GLT1D1: variants seen among roughly 807,000 people sequenced by gnomAD.
GLT1D1 encodes glycosyltransferase 1 domain-containing protein 1.
GLT1D1 carries 21 observed loss-of-function variants against 28.7 expected under a neutral mutation model. The ratio of observed to expected loss-of-function variants is 0.73; its 90% CI spans 0.52 to 1.05. The LOEUF is 1.05. Ranked by LOEUF, GLT1D1 falls within the 50% of genes least tolerant of loss-of-function variation. The probability of loss-of-function intolerance (pLI) is 0.00; values close to 1 mark genes in which losing one functional copy is unlikely to be tolerated. For missense variants in GLT1D1, 343 were observed against 330.6 expected, an observed-to-expected ratio of 1.04 and a Z score of -0.29; for synonymous variants, 147 against 124.8, an observed-to-expected ratio of 1.18 and a Z score of -1.19.
chr12:128,922,298 TAGTA>T (rs1272963001), intron 4 of GLT1D1, among the ~76,000 whole-genome samples: 4 of 152,120 alleles, frequency 2.6e-5, no homozygotes, highest in African/African-American at 7.2e-5. Context: ...CCTTTGTAAT[TAGTA>T]AGTAATTTTT....
intron 6 of GLT1D1, among the ~76,000 whole-genome samples, chr12:128,949,635 T>TGG (rs1876480687): frequency 6.6e-6 from 1 of 152,194 alleles, no homozygotes; most frequent in Non-Finnish European, 1.5e-5. Flanking sequence ...ATTCTACAAC[T>TGG]AATCAGTTGT....
At chr12:128,956,509 A>T (rs1877331860) in intron 6 of GLT1D1, among the ~76,000 whole-genome samples, 1 of 152,206 alleles carries the variant, frequency 6.6e-6, no homozygotes, top group South Asian at 2.1e-4. Flanking sequence ...GACCATCTGT[A>T]TCCTGTTTCC....
chr12:128,976,259 T>TG (rs1879752249), intron 7 of GLT1D1, among the ~76,000 whole-genome samples: 1 of 152,148 alleles, frequency 6.6e-6, no homozygotes, highest in African/African-American at 2.4e-5. Context: ...TGCAATCCCC[T>TG]GGGGGCGCTG....
chr12:128,901,226 G>C (rs541864022), intron 4 of GLT1D1, among the ~76,000 whole-genome samples: 2 of 152,266 alleles, frequency 1.3e-5, no homozygotes, highest in South Asian at 4.1e-4. Flanking sequence ...ACTTAAAAAT[G>C]TCCCTGATGA....
intron 2 of GLT1D1, among the ~76,000 whole-genome samples, chr12:128,877,402 G>C (rs983209134): frequency 6.6e-6 from 1 of 152,128 alleles, no homozygotes; most frequent in Non-Finnish European, 1.5e-5. Context: ...TTTTACTGAA[G>C]GTGATTTTTT....
At chr12:128,980,882 CAA>C (rs1880251329) in intron 7 of GLT1D1, among the ~76,000 whole-genome samples, 1 of 152,212 alleles carries the variant, frequency 6.6e-6, no homozygotes, top group Non-Finnish European at 1.5e-5. Context: ...TGTCATATCG[CAA>C]AGAGATGTGC....
In GLT1D1 at chr12:128,890,924, G is replaced by A. The variant is rs148071775; in HGVS notation, c.323+2180G>A. Among the ~76,000 whole-genome samples the A allele has an allele frequency of 2.8e-3, 428 of 152,138 alleles. 1 individual carries two copies. The highest frequency in any genetic ancestry group is 3.9e-3 in the Admixed American group (60 of 15,270). ...TGAGGCAGAAGACTTGCTTGAACTC[G>A]GGAGGCAGAGGTTGCAGTGAGCTGA... On this transcript the variant is annotated intron_variant, in intron 3 of 7. Coordinates refer to ENST00000281703, the MANE Select transcript of GLT1D1 (RefSeq NM_144669.3).
chr12:128,853,851 G>A (rs1012735577), intron 1 of GLT1D1, among the ~76,000 whole-genome samples: 32 of 152,220 alleles, frequency 2.1e-4, no homozygotes, highest in Middle Eastern at 3.4e-3. Context: ...GCGTGTCCCC[G>A]GGTCTCCGTG....
At chr12:128,917,577 C>T (rs774225158) in intron 4 of GLT1D1, among the ~76,000 whole-genome samples, 7 of 152,166 alleles carry the variant, frequency 4.6e-5, no homozygotes, top group Non-Finnish European at 8.8e-5. Context: ...CTCGCCTAGC[C>T]TCCTGCTGCA....
intron 7 of GLT1D1, among the ~76,000 whole-genome samples, chr12:128,963,415 G>A (rs769791496): frequency 7.9e-5 from 12 of 152,004 alleles, no homozygotes; most frequent in African/African-American, 2.7e-4. Flanking sequence ...GGGAGGCCGA[G>A]GTGGGTGAAT....
intron 4 of GLT1D1, among the ~76,000 whole-genome samples, chr12:128,915,729 T>A (rs1872044876): frequency 6.6e-6 from 1 of 152,222 alleles, no homozygotes; most frequent in Non-Finnish European, 1.5e-5. Flanking sequence ...TATTAATGTT[T>A]GATGTGATCT....
intron 7 of GLT1D1, among the ~76,000 whole-genome samples, chr12:128,965,732 A>AAAAAAAAAAAAAAAG (rs75853652): frequency 2.9e-5 from 3 of 104,560 alleles, no homozygotes; most frequent in Non-Finnish European, 1.8e-5. Context: ...AAAAAAAAAA[A>AAAAAAAAAAAAAAAG]AAAGAAAAAG....
At chr12:128,879,376 CTTTTT>C (rs1956952515) in intron 2 of GLT1D1, among the ~76,000 whole-genome samples, 7 of 83,914 alleles carry the variant, frequency 8.3e-5, no homozygotes, top group Middle Eastern at 7.9e-3. Flanking sequence ...TTATTTTTTT[CTTTTT>C]CTTTCTTTCT....
At chr12:128,920,856 G>A (rs1224742344) in intron 4 of GLT1D1, among the ~76,000 whole-genome samples, 1 of 152,212 alleles carries the variant, frequency 6.6e-6, no homozygotes, top group African/African-American at 2.4e-5. Context: ...TAGAGGAAAA[G>A]CAAAGGTAAT....
At chr12:128,908,917 C>G (rs2135878177) in intron 4 of GLT1D1, among the ~76,000 whole-genome samples, 1 of 152,166 alleles carries the variant, frequency 6.6e-6, no homozygotes, top group East Asian at 1.9e-4. Context: ...CCCCTGCACT[C>G]CAGCCTGGGC....
At chr12:128,946,556 G>A (rs774471837) in intron 5 of GLT1D1, among the ~76,000 whole-genome samples, 4 of 150,222 alleles carry the variant, frequency 2.7e-5, no homozygotes, top group Non-Finnish European at 4.4e-5. Flanking sequence ...CCATGGTCTC[G>A]ATCTCCTGAC....
intron 1 of GLT1D1, among the ~76,000 whole-genome samples, chr12:128,861,252 C>A (rs1956362420): frequency 1.3e-5 from 2 of 152,176 alleles, no homozygotes; most frequent in African/African-American, 4.8e-5. Context: ...GTGTTGTTCA[C>A]ATTTCTGCTT....
chr12:128,942,217 T>C (rs2135482313), intron 4 of GLT1D1, among the ~76,000 whole-genome samples: 1 of 152,164 alleles, frequency 6.6e-6, no homozygotes, highest in South Asian at 2.1e-4. Context: ...AGTAATAGCC[T>C]CAGTTATGAA....
intron 1 of GLT1D1, among the ~76,000 whole-genome samples, chr12:128,869,336 C>T (rs1956626747): frequency 6.6e-6 from 1 of 151,974 alleles, no homozygotes; most frequent in Non-Finnish European, 1.5e-5. Context: ...CGCCTGGCTA[C>T]TTTTTGTATT....
Sources: allele counts gnomAD v4.1 joint callset (sites outside exome capture counted in the v4.1 genomes callset), GRCh38; gene constraint gnomAD v4.1.1; transcripts MANE v1.5; gene names NCBI Gene and HGNC (gene_info 2026-07-23, HGNC 2026-07-21).